The following RBM18 variants were observed in gnomAD, a reference collection of about 807,000 sequenced individuals.
RBM18 encodes the protein RNA binding motif protein 18.
In RBM18, 18 loss-of-function variants were observed where a neutral mutation model predicts 26.4. The ratio of observed to expected loss-of-function variants is 0.68; its 90% confidence interval spans 0.47 to 1.01. The LOEUF is 1.01. Ranked by LOEUF, RBM18 falls within the 50% of genes least tolerant of loss-of-function variation. RBM18 has a pLI of 0.00. For synonymous variants in RBM18, 74 were observed against 81.1 expected (o/e 0.91, Z 0.47); for missense variants, 180 against 219.2 (o/e 0.82, Z 1.13).
At chr9:122,251,080 CA>C (rs1358492797) in intron 3 of RBM18, among the ~76,000 whole-genome samples, 1 of 151,778 alleles carries the variant, frequency 6.6e-6, no homozygotes, top group East Asian at 1.9e-4. Context: ...CACCATCACA[CA>C]TAATTAAAAA....
rs1184995164 is a variant in RBM18 at position 122,241,985 on chromosome 9, C to G, written c.472G>C (p.Asp158His). 6 of 1,614,048 alleles carry G rather than the reference C, an allele frequency of 3.7e-6. No individual in the cohort carries two copies. Among genetic ancestry groups the G allele is most frequent in the Non-Finnish European group, 5.1e-6 (6 of 1,179,998 alleles). ...AKLKMMAENP[D>H]AEYPAAPVYS... ...ACAGGCGCTGCTGGATACTCTGCAT[C>G]AGGATTTTCCGCCATCATTTTCAGT... Residue 158 changes from aspartate to histidine, a missense_variant, in exon 6 of 6, where the codon GAT (aspartate) becomes CAT (histidine). By Grantham distance (81) the Asp-to-His change is moderately conservative. This residue lies in a region of RBM18 where 103 missense variants were observed against 102.8 expected (regional missense o/e 1.00). Transcript: ENST00000417201.
rs922435969 is a variant in RBM18, at chr9:122,239,214, TTTTG to T, written c.*2666_*2669del. The T allele has an allele frequency of 7.0e-5, 8 of 113,674 alleles. No homozygotes were observed. Among genetic ancestry groups the T allele is most frequent in the African/African-American group, 1.7e-4 (6 of 36,340 alleles). The allele number at this position is 113,674 out of a possible 1,614,324, so 7.0% of individuals were successfully genotyped here. A position where few individuals can be genotyped will look rare whatever the true frequency, so the allele number is the denominator to read the frequency against. ...ACTTGTGCAACTGATTTTTGACCTG[TTTTG>T]TTTTTGTTTTTTTTGAGACGGTGTC... On this transcript the variant is annotated 3_prime_UTR_variant, in exon 6 of 6. Transcript: ENST00000417201.
intron 2 of RBM18, among the ~76,000 whole-genome samples, chr9:122,256,489 G>A (rs1313756725): frequency 2.0e-5 from 3 of 152,176 alleles, no homozygotes; most frequent in Non-Finnish European, 4.4e-5. Context: ...GAAAACCACA[G>A]TGTAGAAAAT....
chr9:122,262,885 CA>C (rs1227472658), intron 1 of RBM18, among the ~76,000 whole-genome samples: 1 of 152,180 alleles, frequency 6.6e-6, no homozygotes, highest in East Asian at 1.9e-4. Flanking sequence ...ATGCCCAGCA[CA>C]AACTGTGGCA....
chr9:122,246,856 T>C (rs1831513754), intron 4 of RBM18, among the ~76,000 whole-genome samples: 1 of 152,008 alleles, frequency 6.6e-6, no homozygotes, highest in Non-Finnish European at 1.5e-5. Context: ...TTGGGAACGC[T>C]CCAGTCAACA....
At chr9:122,250,613 T>A (rs908821230) in intron 3 of RBM18, among the ~76,000 whole-genome samples, 1 of 152,140 alleles carries the variant, frequency 6.6e-6, no homozygotes, top group Non-Finnish European at 1.5e-5. Context: ...AACCACAATA[T>A]CAAGATACAG....
At position 122,239,933 on chromosome 9, in the gene RBM18, T is replaced by C. The variant is rs1407922751; in HGVS notation, c.*1951A>G. ...CCCCACGTGGACATGCTGGCCAGAG[T>C]CCTGAGTGGAAACAAGCCTGTCAGA... is the stretch of plus-strand genomic sequence containing the variant. On this transcript the variant is annotated 3_prime_UTR_variant, in exon 6 of 6. Coordinates refer to ENST00000417201, the MANE Select transcript of RBM18 (RefSeq NM_033117.4). The C allele has an allele frequency of 1.3e-5, 2 of 152,088 alleles. No individual in the cohort carries two copies. The highest frequency in any genetic ancestry group is 4.8e-5 in the African/African-American group (2 of 41,386). 9.4% of individuals were successfully genotyped at this position (152,088 alleles called of 1,614,324 possible). A position where few individuals can be genotyped will look rare whatever the true frequency, so the allele number is the denominator to read the frequency against.
At chr9:122,261,836 AC>A (rs1370998095) in intron 1 of RBM18, among the ~76,000 whole-genome samples, 5 of 152,214 alleles carry the variant, frequency 3.3e-5, no homozygotes, top group Non-Finnish European at 7.3e-5. Flanking sequence ...AACAACTGTC[AC>A]CCAAAATAAG....
chr9:122,258,709 CAGG>C (rs1831737329), intron 2 of RBM18, among the ~76,000 whole-genome samples: 1 of 151,890 alleles, frequency 6.6e-6, no homozygotes, highest in Non-Finnish European at 1.5e-5. Flanking sequence ...GGAGGCTGAT[CAGG>C]AGGATTGCTT....
chr9:122,262,047 T>C (rs62575582), intron 1 of RBM18, among the ~76,000 whole-genome samples: 48,819 of 151,922 alleles, frequency 0.32, 9,062 homozygotes, highest in South Asian at 0.47. Flanking sequence ...ATGAACTACC[T>C]GAACTTTCTA....
intron 2 of RBM18, among the ~76,000 whole-genome samples, chr9:122,254,011 G>C (rs1588384382): frequency 1.4e-5 from 2 of 147,576 alleles, no homozygotes; most frequent in South Asian, 2.2e-4. Flanking sequence ...CTGGGCGACA[G>C]AGCAAGATTC....
intron 5 of RBM18, chr9:122,243,819 C>T (rs1456036071): frequency 2.5e-5 from 25 of 985,078 alleles, no homozygotes; most frequent in Non-Finnish European, 2.9e-5. Context: ...GGGAAGCAAC[C>T]TTCTCTCATT....
chr9:122,253,539 G>C (rs188594073), intron 2 of RBM18, among the ~76,000 whole-genome samples: 3 of 152,118 alleles, frequency 2.0e-5, no homozygotes, highest in Admixed American at 1.3e-4. Flanking sequence ...AAGTGCAAAT[G>C]TGTGGTTTTA....
chr9:122,264,253 A>G (rs961873019), intron 1 of RBM18, among the ~76,000 whole-genome samples: 2 of 152,222 alleles, frequency 1.3e-5, no homozygotes, highest in African/African-American at 2.4e-5. Context: ...TGAGTCTTAA[A>G]TAAGACAATT....
chr9:122,264,207 A>G (rs761757592), intron 1 of RBM18, among the ~76,000 whole-genome samples: 28 of 152,204 alleles, frequency 1.8e-4, no homozygotes, highest in Non-Finnish European at 4.1e-4. Flanking sequence ...TTTCCTTCCT[A>G]GAATGGGTAC....
chr9:122,247,150 A>C (rs115130033), intron 4 of RBM18, among the ~76,000 whole-genome samples: 259 of 152,292 alleles, frequency 1.7e-3, no homozygotes, highest in African/African-American at 5.9e-3. Flanking sequence ...AAATCTCCAC[A>C]GAGTCAAAGG....
At chr9:122,247,787 T>TG (rs964935410) in intron 3 of RBM18, among the ~76,000 whole-genome samples, 183 bp from the exon 4 acceptor site, 125 of 147,724 alleles carry the variant, frequency 8.5e-4, no homozygotes, top group Non-Finnish European at 1.4e-3. Context: ...TTTTTGTTGT[T>TG]TTTTTTTTTT....
chr9:122,254,978 G>C (rs1831667483), intron 2 of RBM18, among the ~76,000 whole-genome samples: 1 of 152,178 alleles, frequency 6.6e-6, no homozygotes, highest in South Asian at 2.1e-4. Flanking sequence ...GGTGAAAAAG[G>C]GTCTGATCCA....
chr9:122,251,163 C>T (rs185861834), intron 3 of RBM18, among the ~76,000 whole-genome samples: 2 of 151,978 alleles, frequency 1.3e-5, no homozygotes, highest in East Asian at 1.9e-4. Flanking sequence ...TCTCAGCCTC[C>T]AGGGTAGTTG....
Sources: allele counts gnomAD v4.1 joint callset (sites outside exome capture counted in the v4.1 genomes callset), GRCh38; gene constraint gnomAD v4.1.1; regional missense constraint gnomAD v4.1.1; transcripts MANE v1.5; gene names NCBI Gene and HGNC (gene_info 2026-07-23, HGNC 2026-07-21).